The following CNTN3 variants were observed in gnomAD, a reference collection of about 807,000 sequenced individuals.
CNTN3 encodes contactin-3.
In CNTN3, 60 loss-of-function variants were observed where a neutral mutation model predicts 119.1. The observed-to-expected ratio is 0.50, with a 90% CI of 0.41 to 0.62. CNTN3 has a LOEUF of 0.62. Among genes scored for constraint, CNTN3 ranks in the 20% least tolerant of loss-of-function variants. The pLI, the probability that CNTN3 is intolerant of heterozygous loss-of-function variation, is 0.00. For missense variants in CNTN3, 1,101 were observed against 1,242.4 expected, an observed-to-expected ratio of 0.89 and a Z score of 1.71; for synonymous variants, 450 against 438.7, an observed-to-expected ratio of 1.03 and a Z score of -0.32.
At chr3:74,530,043 A>AGAGT (rs1703672495) in intron 1 of CNTN3, among the ~76,000 whole-genome samples, 1 of 152,068 alleles carries the variant, frequency 6.6e-6, no homozygotes, top group African/African-American at 2.4e-5. Context: ...TCATGGAAGG[A>AGAGT]GAGTGATCTT....
intron 4 of CNTN3, among the ~76,000 whole-genome samples, chr3:74,443,306 C>T (rs368067387): frequency 2.2e-4 from 34 of 152,258 alleles, no homozygotes; most frequent in African/African-American, 7.7e-4. Context: ...CATCTCACCA[C>T]CTACTTCCTG....
At chr3:74,427,719 T>C (rs1476877994) in intron 4 of CNTN3, among the ~76,000 whole-genome samples, 2 of 152,122 alleles carry the variant, frequency 1.3e-5, no homozygotes, top group African/African-American at 2.4e-5. Flanking sequence ...GGTCACAGGA[T>C]ACAATTTCTA....
intron 1 of CNTN3, among the ~76,000 whole-genome samples, chr3:74,583,276 G>C (rs78114319): frequency 0.042 from 6,326 of 151,990 alleles, 196 homozygotes; most frequent in Non-Finnish European, 0.066. Context: ...GTAAACATAA[G>C]TCAAACAATA....
rs539923222 is a variant in CNTN3 at position 74,371,911 on chromosome 3, G to A, written c.455-512C>T. 3.9e-5 allele frequency among the ~76,000 whole-genome samples: 6 copies of A among 152,014 alleles called. No individual in the cohort carries two copies. The East Asian group carries it at 1.2e-3, about 30-fold the overall frequency. On this transcript the variant is annotated intron_variant, in intron 5 of 22. Coordinates refer to ENST00000263665, the MANE Select transcript of CNTN3 (RefSeq NM_020872.3). ...GAGTCTTTTGCACGTGCTGCTTCTGGGGCCTACAACTCCTGTTGTCTCTGT... is the reference window on the plus strand; with the variant it reads ...GAGTCTTTTGCACGTGCTGCTTCTGAGGCCTACAACTCCTGTTGTCTCTGT...
At chr3:74,375,910 G>A (rs1458987895) in intron 5 of CNTN3, among the ~76,000 whole-genome samples, 1 of 152,112 alleles carries the variant, frequency 6.6e-6, no homozygotes, top group Non-Finnish European at 1.5e-5. Flanking sequence ...ACATGGCAAA[G>A]GTGATTAAGT....
intron 22 of CNTN3, among the ~76,000 whole-genome samples, chr3:74,265,260 T>C (rs1701643752): frequency 6.6e-6 from 1 of 152,140 alleles, no homozygotes; most frequent in African/African-American, 2.4e-5. Flanking sequence ...AGATGTCAGA[T>C]GAAAAGGCTA....
chr3:74,416,285 G>T (rs1291499854), intron 5 of CNTN3, among the ~76,000 whole-genome samples: 3 of 152,178 alleles, frequency 2.0e-5, no homozygotes, highest in African/African-American at 7.2e-5. Flanking sequence ...ATATTTGTAT[G>T]TGTATAAATA....
chr3:74,382,037 C>T (rs1051245996), intron 5 of CNTN3, among the ~76,000 whole-genome samples: 1 of 152,006 alleles, frequency 6.6e-6, no homozygotes, highest in African/African-American at 2.4e-5. Context: ...GGAGAAACCA[C>T]GTTTCTACTA....
intron 2 of CNTN3, 101 bp downstream of exon 2, chr3:74,520,957 T>C (rs1392287910): frequency 3.6e-6 from 2 of 561,042 alleles, no homozygotes; most frequent in African/African-American, 2.0e-5. Context: ...TGTTTTTCTT[T>C]GCTACTGGTG....
At chr3:74,459,867 T>A (rs1331682516) in intron 4 of CNTN3, among the ~76,000 whole-genome samples, 1 of 152,062 alleles carries the variant, frequency 6.6e-6, no homozygotes. Flanking sequence ...CAACAGCTTG[T>A]TATTTTACTG....
chr3:74,419,130 A>T (rs1006306499), intron 5 of CNTN3, among the ~76,000 whole-genome samples: 6 of 152,168 alleles, frequency 3.9e-5, no homozygotes, highest in Non-Finnish European at 7.4e-5. Flanking sequence ...CCTGCAGAAC[A>T]GTAGCAAAGT....
chr3:74,543,196 C>A (rs1703866196), intron 1 of CNTN3, among the ~76,000 whole-genome samples: 1 of 152,044 alleles, frequency 6.6e-6, no homozygotes, highest in Non-Finnish European at 1.5e-5. Context: ...ACATGAAATG[C>A]ATGAAAAAGT....
At chr3:74,316,390 A>G (rs1702831156) in intron 13 of CNTN3, among the ~76,000 whole-genome samples, 1 of 152,192 alleles carries the variant, frequency 6.6e-6, no homozygotes, top group African/African-American at 2.4e-5. Context: ...TGTTGGTGGG[A>G]ATGTAAATTA....
intron 5 of CNTN3, among the ~76,000 whole-genome samples, chr3:74,416,473 C>A (rs917637696): frequency 6.6e-6 from 1 of 152,112 alleles, no homozygotes; most frequent in African/African-American, 2.4e-5. Flanking sequence ...GGAACTCAAG[C>A]AGTCTAGCTC....
At chr3:74,487,709 AC>A (rs1452450217) in intron 3 of CNTN3, among the ~76,000 whole-genome samples, 1 of 152,118 alleles carries the variant, frequency 6.6e-6, no homozygotes, top group East Asian at 1.9e-4. Context: ...ACAATATTTA[AC>A]CTGCACATAT....
At chr3:74,327,459 G>T (rs111835496) in intron 13 of CNTN3, among the ~76,000 whole-genome samples, 1,949 of 152,066 alleles carry the variant, frequency 0.013, 21 homozygotes, top group Non-Finnish European at 0.021. Flanking sequence ...GTTCAATCTG[G>T]TTTGCTAAAA....
rs529840836 is a variant in CNTN3 at position 74,427,879 on chromosome 3, G to GA, written c.359-2940dup. ...AAAATTACAGAATGCTAATGAAAAA[G>GA]AAAAAAAATGCAGAGGCATAAATAA... On this transcript the variant is annotated intron_variant, in intron 4 of 22. Coordinates refer to ENST00000263665, the MANE Select transcript of CNTN3 (RefSeq NM_020872.3). Among the ~76,000 whole-genome samples, 1,301 of 151,656 alleles carry GA rather than the reference G, an allele frequency of 8.6e-3. 10 individuals carry two copies. The highest frequency in any genetic ancestry group is 0.013 in the Non-Finnish European group (851 of 67,840).
intron 13 of CNTN3, among the ~76,000 whole-genome samples, chr3:74,307,615 A>G (rs1216034744): frequency 6.6e-6 from 1 of 152,194 alleles, no homozygotes; most frequent in Non-Finnish European, 1.5e-5. Flanking sequence ...GAAAGAAAAC[A>G]CTACCTGATT....
intron 19 of CNTN3, among the ~76,000 whole-genome samples, chr3:74,286,253 C>G (rs781057027): frequency 1.3e-5 from 2 of 151,990 alleles, no homozygotes; most frequent in Admixed American, 6.6e-5. Flanking sequence ...TACGAGGAAC[C>G]CTGCTAGCAA....
Sources: allele counts gnomAD v4.1 joint callset (sites outside exome capture counted in the v4.1 genomes callset), GRCh38; gene constraint gnomAD v4.1.1; transcripts MANE v1.5; gene names NCBI Gene and HGNC (gene_info 2026-07-23, HGNC 2026-07-21).